TECRL: variants seen among roughly 807,000 people sequenced by gnomAD.
The protein encoded by TECRL is trans-2,3-enoyl-CoA reductase like, also known as trans-2,3-enoyl-CoA reductase-like.
Under a neutral mutation model 52.8 loss-of-function variants are expected in TECRL, and 63 were observed. The ratio of observed to expected loss-of-function variants is 1.19; its 90% CI spans 0.97 to 1.47. The LOEUF (loss-of-function observed/expected upper bound fraction) is 1.47, where lower values mean the gene tolerates loss of function less well. Ranked by LOEUF, TECRL falls within the 40% of genes most tolerant of loss-of-function variation. TECRL has a pLI of 0.00. For missense variants in TECRL, 482 were observed against 429.6 expected, an observed-to-expected ratio of 1.12 and a Z score of -1.08; for synonymous variants, 164 against 141.9, an observed-to-expected ratio of 1.16 and a Z score of -1.10.
chr4:64,308,613 C>G (rs1724488810), intron 6 of TECRL, among the ~76,000 whole-genome samples: 1 of 152,096 alleles, frequency 6.6e-6, no homozygotes, highest in Non-Finnish European at 1.5e-5. Flanking sequence ...CTGCTGAGAG[C>G]TTTTATGTTG....
chr4:64,314,624 TG>T, intron 5 of TECRL, 23 bp downstream of exon 5: 1 of 1,174,858 alleles, frequency 8.5e-7, no homozygotes, highest in Admixed American at 1.7e-5. Context: ...TGTGTGTGTG[TG>T]TGTGTGTGTG....
intron 1 of TECRL, among the ~76,000 whole-genome samples, chr4:64,395,800 G>A (rs1723906548): frequency 1.3e-5 from 2 of 152,042 alleles, no homozygotes; most frequent in African/African-American, 4.8e-5. Flanking sequence ...AGCCAATAGT[G>A]AGTTTCTTAT....
chr4:64,322,540 G>A (rs1047824365), intron 4 of TECRL, 149 bp downstream of exon 4: 2 of 400,758 alleles, frequency 5.0e-6, no homozygotes, highest in South Asian at 1.1e-4. Context: ...GTAGAACTTT[G>A]GCCACTCGTC....
chr4:64,360,980 C>T (rs546914668), intron 2 of TECRL, among the ~76,000 whole-genome samples: 1 of 152,168 alleles, frequency 6.6e-6, no homozygotes, highest in Non-Finnish European at 1.5e-5. Context: ...GCTCAACATA[C>T]TCCACTAGGT....
chr4:64,322,658 A>T (rs200821412), intron 4 of TECRL, 31 bp downstream of exon 4: 1 of 1,444,728 alleles, frequency 6.9e-7, no homozygotes, highest in East Asian at 2.3e-5. Flanking sequence ...AAATATGAGA[A>T]ATGTATATTA....
intron 2 of TECRL, among the ~76,000 whole-genome samples, chr4:64,332,400 G>A (rs1442025030): frequency 1.3e-5 from 2 of 152,150 alleles, no homozygotes; most frequent in African/African-American, 4.8e-5. Flanking sequence ...CTTACTGCTG[G>A]CAGAGGCAAA....
chr4:64,387,713 A>T (rs184971582), intron 1 of TECRL, among the ~76,000 whole-genome samples: 33 of 152,024 alleles, frequency 2.2e-4, no homozygotes, highest in Non-Finnish European at 1.5e-4. Context: ...GTGTCTGTTA[A>T]GTTCTTTGGC....
intron 1 of TECRL, among the ~76,000 whole-genome samples, chr4:64,407,730 G>A (rs1447732597): frequency 2.0e-5 from 3 of 151,372 alleles, no homozygotes; most frequent in African/African-American, 7.3e-5. Context: ...GTTTTTCATA[G>A]TGGAATATTA....
intron 2 of TECRL, among the ~76,000 whole-genome samples, chr4:64,372,501 T>C: frequency 6.6e-6 from 1 of 151,772 alleles, no homozygotes; most frequent in Admixed American, 6.6e-5. Flanking sequence ...AACTAAGAGA[T>C]TATTCTTATA....
At chr4:64,373,790 C>G (rs1220667093) in intron 2 of TECRL, among the ~76,000 whole-genome samples, 10 of 151,208 alleles carry the variant, frequency 6.6e-5, no homozygotes, top group Non-Finnish European at 1.5e-4. Context: ...TAGAATTGGT[C>G]TAAGTCAGTG....
At position 64,409,204 on chromosome 4, in the gene TECRL, G is replaced by A. The variant is rs202057496; in HGVS notation, c.148C>T (p.Pro50Ser). Reference protein sequence around the residue: ...VLSAGPLRPTPAVKHSKTTHF... With the variant: ...VLSAGPLRPTSAVKHSKTTHF... Reference sequence around the variant, plus strand: ...GTCGTTTTTGAATGTTTGACTGCTGGAGTTGGTCTTAGAGGGCCCGCTGAG... The same window carrying A: ...GTCGTTTTTGAATGTTTGACTGCTGAAGTTGGTCTTAGAGGGCCCGCTGAG... Residue 50 changes from proline (P) to serine (S), a missense_variant, in exon 1 of 12, where the codon CCA becomes TCA. Transcript: ENST00000381210. The A allele has an allele frequency of 1.7e-5, 28 of 1,613,756 alleles. No individual in the cohort carries two copies. The East Asian group carries it at 5.8e-4, about 33-fold the overall frequency.
chr4:64,334,425 A>T (rs1000936397), intron 2 of TECRL, among the ~76,000 whole-genome samples: 1 of 152,218 alleles, frequency 6.6e-6, no homozygotes, highest in South Asian at 2.1e-4. Context: ...CAAGGATGCC[A>T]GTGAGACATT....
chr4:64,322,127 C>T (rs1717942704), intron 4 of TECRL, among the ~76,000 whole-genome samples: 1 of 152,162 alleles, frequency 6.6e-6, no homozygotes, highest in African/African-American at 2.4e-5. Context: ...AGAGAACCTT[C>T]AGCTCTCTCA....
intron 8 of TECRL, among the ~76,000 whole-genome samples, 200 bp downstream of exon 8, chr4:64,299,771 GACT>G (rs1268641214): frequency 2.0e-5 from 3 of 150,694 alleles, no homozygotes; most frequent in Non-Finnish European, 4.5e-5. Context: ...CTTTAGAGAT[GACT>G]ACAACATTTT....
chr4:64,313,476 CTTTTTTTTTTTTTT>C lies in TECRL; in HGVS notation c.551+1158_551+1171del, dbSNP rs565143298. Among the ~76,000 whole-genome samples, 6 of 66,334 alleles carry C rather than the reference CTTTTTTTTTTTTTT, an allele frequency of 9.0e-5. No individual in the cohort carries two copies. In the Admixed American group the frequency reaches 1.4e-3, roughly 16 times the overall value. 43.5% of individuals were successfully genotyped at this position (66,334 alleles called of 152,430 possible). A position where few individuals can be genotyped will look rare whatever the true frequency, so the allele number is the denominator to read the frequency against. The stretch of plus-strand genomic sequence containing the variant: ...GAATACTTTGTTTATTGCCTTACTC[CTTTTTTTTTTTTTT>C]TTTTTTTTTGAGACGGAGTCTTTCT... On this transcript the variant is annotated intron_variant, in intron 5 of 11. Coordinates refer to ENST00000381210, the MANE Select transcript of TECRL (RefSeq NM_001010874.5).
chr4:64,328,508 T>C lies in TECRL; in HGVS notation c.331+4A>G. Reference sequence around the variant, plus strand: ...TAAACACATCAGTGAAAAATGCTTCTTACCACATTCTAGCTGCAGACCAAC... The same window carrying C: ...TAAACACATCAGTGAAAAATGCTTCCTACCACATTCTAGCTGCAGACCAAC... On this transcript the variant is annotated splice_donor_region_variant and intron_variant, in intron 3 of 11. Transcript: ENST00000381210. 6.2e-7 allele frequency: 1 copy of C among 1,610,784 alleles called. No individual in the cohort carries two copies. Among genetic ancestry groups the C allele is most frequent in the East Asian group, 2.2e-5 (1 of 44,750 alleles).
chr4:64,401,433 A>G (rs889524968), intron 1 of TECRL, among the ~76,000 whole-genome samples: 4 of 152,096 alleles, frequency 2.6e-5, no homozygotes, highest in Non-Finnish European at 5.9e-5. Context: ...TATACTATAT[A>G]CTTTTCAAGA....
At chr4:64,408,779 C>A (rs1010592031) in intron 1 of TECRL, among the ~76,000 whole-genome samples, 3 of 151,958 alleles carry the variant, frequency 2.0e-5, no homozygotes, top group Admixed American at 6.6e-5. Context: ...TACACGAAGA[C>A]AAAAACCTGG....
At chr4:64,339,138 A>G (rs1577898207) in intron 2 of TECRL, among the ~76,000 whole-genome samples, 1 of 151,990 alleles carries the variant, frequency 6.6e-6, no homozygotes, top group East Asian at 1.9e-4. Context: ...TTGTAGGGAC[A>G]TGGATGAAGC....
Sources: allele counts gnomAD v4.1 joint callset (sites outside exome capture counted in the v4.1 genomes callset), GRCh38; gene constraint gnomAD v4.1.1; transcripts MANE v1.5; gene names NCBI Gene and HGNC (gene_info 2026-07-23, HGNC 2026-07-21).